The following CUL5 variants were observed in gnomAD, a reference collection of about 807,000 sequenced individuals.
CUL5 encodes the protein cullin-5.
In CUL5, 26 loss-of-function variants were observed where a neutral mutation model predicts 108.8. The ratio of observed to expected loss-of-function variants is 0.24; its 90% CI spans 0.18 to 0.33. The LOEUF (loss-of-function observed/expected upper bound fraction) is 0.33. Among genes scored for constraint, CUL5 ranks in the 10% least tolerant of loss-of-function variants. CUL5 has a pLI of 1.00. For missense variants in CUL5, 524 were observed against 909.2 expected (o/e 0.58, Z 5.45); for synonymous variants, 334 against 298.0 (o/e 1.12, Z -1.25).
chr11:108,066,664 C>A (rs943617116), intron 7 of CUL5, among the ~76,000 whole-genome samples: 6 of 152,256 alleles, frequency 3.9e-5, no homozygotes, highest in African/African-American at 9.6e-5. Context: ...TTGTTTCTAC[C>A]ACTAGGTTTA....
chr11:108,080,268 T>A (rs866489952), intron 11 of CUL5, among the ~76,000 whole-genome samples: 17 of 152,102 alleles, frequency 1.1e-4, no homozygotes, highest in African/African-American at 4.1e-4. Context: ...TACTAATTTC[T>A]TTTAGAGATG....
intron 7 of CUL5, among the ~76,000 whole-genome samples, 173 bp from the exon 8 acceptor site, chr11:108,069,923 T>A (rs1458140767): frequency 6.6e-6 from 1 of 152,186 alleles, no homozygotes. Flanking sequence ...AAAATACACT[T>A]TGGTAAACTA....
chr11:108,026,605 C>T (rs1862457261), intron 1 of CUL5, among the ~76,000 whole-genome samples: 2 of 152,114 alleles, frequency 1.3e-5, no homozygotes, highest in South Asian at 4.1e-4. Context: ...AATTTAAATT[C>T]ACTAGCAGTT....
intron 7 of CUL5, among the ~76,000 whole-genome samples, chr11:108,056,383 T>C (rs1261853680): frequency 1.3e-5 from 2 of 152,224 alleles, no homozygotes; most frequent in Non-Finnish European, 2.9e-5. Context: ...TTGTCCATCT[T>C]AAGTGGTAGT....
intron 1 of CUL5, among the ~76,000 whole-genome samples, chr11:108,009,720 G>C (rs1862014456): frequency 6.6e-6 from 1 of 152,196 alleles, no homozygotes; most frequent in South Asian, 2.1e-4. Context: ...TCAGTTTCTT[G>C]TAAAGCAATG....
At chr11:108,038,855 T>G (rs1450406093) in intron 2 of CUL5, among the ~76,000 whole-genome samples, 1 of 152,072 alleles carries the variant, frequency 6.6e-6, no homozygotes, top group Admixed American at 6.5e-5. Flanking sequence ...TAAATCTTAG[T>G]TACTAAATAA....
rs35289099 is a variant in CUL5, at chr11:108,077,630, CAAAAAAA to C, written c.1114-539_1114-533del. Reference sequence around the variant, plus strand: ...TGGGCAACGAGTGAAACTCTGTCTCCAAAAAAAAAAAAAGAAAAAAAATCTCACTTGA... The same window carrying C: ...TGGGCAACGAGTGAAACTCTGTCTCCAAAAAAGAAAAAAAATCTCACTTGA... On this transcript the variant is annotated intron_variant, in intron 10 of 18. Transcript: ENST00000393094. Among the ~76,000 whole-genome samples the C allele has an allele frequency of 3.7e-5, 5 of 136,678 alleles. 1 individual carries two copies. Among genetic ancestry groups the C allele is most frequent in the Admixed American group, 7.3e-5 (1 of 13,690 alleles). The allele number at this position is 136,678 out of a possible 152,430, so 89.7% of individuals were successfully genotyped here. A position where few individuals can be genotyped will look rare whatever the true frequency, so the allele number is the denominator to read the frequency against.
At chr11:108,011,262 A>C (rs546612085) in intron 1 of CUL5, among the ~76,000 whole-genome samples, 45 of 152,314 alleles carry the variant, frequency 3.0e-4, no homozygotes, top group African/African-American at 1.1e-3. Context: ...ACTTTGGTCT[A>C]TATTAGTTAA....
At chr11:108,050,238 A>T (rs1863178716) in intron 4 of CUL5, among the ~76,000 whole-genome samples, 172 bp downstream of exon 4, 1 of 151,936 alleles carries the variant, frequency 6.6e-6, no homozygotes, top group African/African-American at 2.4e-5. Context: ...TTTAGCTTCA[A>T]TCTTCTTTCA....
At chr11:108,043,637 G>A (rs1862992108) in intron 2 of CUL5, among the ~76,000 whole-genome samples, 1 of 152,174 alleles carries the variant, frequency 6.6e-6, no homozygotes, top group African/African-American at 2.4e-5. Flanking sequence ...AAACTTAACT[G>A]TATAATCTTG....
chr11:108,054,552 G>T, intron 5 of CUL5, 95 bp from the exon 6 acceptor site: 2 of 800,172 alleles, frequency 2.5e-6, no homozygotes, highest in Non-Finnish European at 1.9e-6. Flanking sequence ...TTGTTACCTT[G>T]CACATAATGA....
intron 5 of CUL5, among the ~76,000 whole-genome samples, chr11:108,053,701 A>G (rs909670779): frequency 1.0e-4 from 14 of 139,066 alleles, no homozygotes; most frequent in Admixed American, 8.9e-4. Context: ...TTTTTAAGAG[A>G]TGGGGTTTTG....
chr11:108,022,798 G>A (rs1378476662), intron 1 of CUL5, among the ~76,000 whole-genome samples: 1 of 152,144 alleles, frequency 6.6e-6, no homozygotes, highest in East Asian at 1.9e-4. Flanking sequence ...ACTACAGTGA[G>A]CAGTGATGGT....
intron 15 of CUL5, 127 bp downstream of exon 15, chr11:108,095,114 A>G: frequency 1.3e-6 from 1 of 747,032 alleles, no homozygotes; most frequent in African/African-American, 1.8e-5. Flanking sequence ...AGAAATAGTG[A>G]ATTTTTTTCA....
In CUL5 at chr11:108,009,108, A is replaced by T; in HGVS notation, c.-241A>T. On this transcript the variant is annotated 5_prime_UTR_variant, in exon 1 of 19. Transcript: ENST00000393094. Reference sequence around the variant, plus strand: ...AGCATTCGCCGTTCCGGTCTTCCTGAGCGCGTGCATGAGGTCTTTCGCGTG... The same window carrying T: ...AGCATTCGCCGTTCCGGTCTTCCTGTGCGCGTGCATGAGGTCTTTCGCGTG... 1 of 566,834 alleles carries T rather than the reference A, an allele frequency of 1.8e-6. No homozygotes were observed. Among genetic ancestry groups the T allele is most frequent in the South Asian group, 2.3e-5 (1 of 44,078 alleles). The allele number at this position is 566,834 out of a possible 1,614,324, so 35.1% of individuals were successfully genotyped here. A position where few individuals can be genotyped will look rare whatever the true frequency, so the allele number is the denominator to read the frequency against.
At chr11:108,086,130 T>C (rs1864217494) in intron 11 of CUL5, among the ~76,000 whole-genome samples, 2 of 152,192 alleles carry the variant, frequency 1.3e-5, no homozygotes, top group African/African-American at 4.8e-5. Flanking sequence ...TGAAATGGTA[T>C]TGACTAAAAT....
chr11:108,058,761 C>T (rs540592056), intron 7 of CUL5, among the ~76,000 whole-genome samples: 1 of 152,184 alleles, frequency 6.6e-6, no homozygotes, highest in Non-Finnish European at 1.5e-5. Context: ...AAGCCCTACT[C>T]TTACAGTTTT....
At chr11:108,043,510 T>C (rs1160829127) in intron 2 of CUL5, among the ~76,000 whole-genome samples, 1 of 152,210 alleles carries the variant, frequency 6.6e-6, no homozygotes, top group Non-Finnish European at 1.5e-5. Context: ...TGGGGTAATA[T>C]GATGTGACTT....
At chr11:108,021,649 A>T (rs1419765202) in intron 1 of CUL5, among the ~76,000 whole-genome samples, 2 of 151,718 alleles carry the variant, frequency 1.3e-5, no homozygotes, top group Non-Finnish European at 2.9e-5. Flanking sequence ...CACCACACCC[A>T]GTTAATATTT....
Sources: gnomAD v4.1 joint callset for allele counts (sites outside exome capture counted in the v4.1 genomes callset) on GRCh38, gnomAD v4.1.1 for gene constraint, MANE v1.5 for transcripts, NCBI Gene and HGNC (gene_info 2026-07-23, HGNC 2026-07-21) for gene names.